The following GJB7 variants were observed in gnomAD, a reference collection of about 807,000 sequenced individuals.
GJB7 encodes the protein gap junction beta-7 protein.
For missense variants in GJB7, 253 were observed against 256.8 expected, an observed-to-expected ratio of 0.99 and a Z score of 0.10; for synonymous variants, 87 against 95.2, an observed-to-expected ratio of 0.91 and a Z score of 0.50.
chr6:87,312,337 C>A (rs1776521339), intron 2 of GJB7, among the ~76,000 whole-genome samples: 1 of 151,560 alleles, frequency 6.6e-6, no homozygotes, highest in African/African-American at 2.4e-5. Context: ...GATGGTGAAA[C>A]CCCGTCTCTA....
In GJB7 at chr6:87,284,556, G is replaced by A. The variant is rs1267121071; in HGVS notation, c.357C>T (p.Gly119=). ...GGCTGATAAGATAAGCGTACCATAG[G>A]CCCCCATCCATTGTACCTGGGCTGA... ...LYVSPGTMDG[G]LWYAYLISLI... The change falls in exon 3 of 3, where the codon GGC becomes GGT. Residue 119 remains glycine (G), a synonymous_variant. Transcript: ENST00000525899. 6.2e-7 allele frequency: 1 copy of A among 1,614,026 alleles called. No individual in the cohort carries two copies.
At chr6:87,304,590 A>G (rs2127904498) in intron 2 of GJB7, among the ~76,000 whole-genome samples, 1 of 152,390 alleles carries the variant, frequency 6.6e-6, no homozygotes, top group African/African-American at 2.4e-5. Flanking sequence ...AAATTCTACC[A>G]GAGGTACAAG....
chr6:87,326,847 G>A (rs1295621537), intron 1 of GJB7, among the ~76,000 whole-genome samples: 3 of 121,262 alleles, frequency 2.5e-5, no homozygotes, highest in African/African-American at 1.0e-4. Context: ...TCGTTGATCT[G>A]TCTAATGTTG....
intron 2 of GJB7, chr6:87,300,450 A>G: frequency 8.4e-6 from 2 of 239,442 alleles, no homozygotes; most frequent in East Asian, 2.1e-4. Context: ...AGATGTTCTT[A>G]TTCCTAGAAT....
intron 2 of GJB7, among the ~76,000 whole-genome samples, chr6:87,301,489 C>A (rs1776325957): frequency 6.6e-6 from 1 of 152,132 alleles, no homozygotes; most frequent in Non-Finnish European, 1.5e-5. Flanking sequence ...GGGATGGGCG[C>A]CCGCCATTGC....
intron 2 of GJB7, among the ~76,000 whole-genome samples, chr6:87,313,761 G>C (rs1387290784): frequency 3.3e-5 from 5 of 152,196 alleles, no homozygotes; most frequent in African/African-American, 1.2e-4. Flanking sequence ...TATCATGTAG[G>C]TCAGCGTTTC....
intron 2 of GJB7, among the ~76,000 whole-genome samples, chr6:87,316,692 A>T (rs771597852): frequency 6.6e-6 from 1 of 152,122 alleles, no homozygotes; most frequent in Non-Finnish European, 1.5e-5. Context: ...CTCTGTTTTG[A>T]CCATTTCTTC....
chr6:87,307,777 G>C (rs938461389), intron 2 of GJB7, among the ~76,000 whole-genome samples: 10 of 152,146 alleles, frequency 6.6e-5, no homozygotes, highest in African/African-American at 2.4e-4. Context: ...CACTGTTGGT[G>C]GGTCTGTAAA....
At chr6:87,322,830 C>T (rs1776702639) in intron 2 of GJB7, 36 bp downstream of exon 2, 1 of 152,224 alleles carries the variant, frequency 6.6e-6, no homozygotes, top group Admixed American at 6.5e-5. Flanking sequence ...GTCGGTGAAG[C>T]TCTCTGGCCC....
intron 2 of GJB7, chr6:87,292,059 G>A (rs1315775960): frequency 6.6e-6 from 1 of 152,200 alleles, no homozygotes; most frequent in Non-Finnish European, 1.5e-5. Flanking sequence ...GGTTTCCAAG[G>A]TAGTGTAAGC....
In GJB7 at chr6:87,284,793, T is replaced by C; in HGVS notation, c.120A>G (p.Ala40=). ...TCTGCTCATCTTTCCACACGTGCTCTGCTGCCACCATGTAGACCAGCAAAC... is the reference window on the plus strand; with the variant it reads ...TCTGCTCATCTTTCCACACGTGCTCCGCTGCCACCATGTAGACCAGCAAAC... ...VFRLLVYMVA[A]EHVWKDEQKE... Residue 40 remains alanine, a synonymous_variant, in exon 3 of 3, where the codon GCA becomes GCG. Coordinates refer to ENST00000525899, the MANE Select transcript of GJB7 (RefSeq NM_198568.3). 1.2e-6 allele frequency: 2 copies of C among 1,614,182 alleles called. No individual in the cohort carries two copies. The highest frequency in any genetic ancestry group is 1.7e-6 in the Non-Finnish European group (2 of 1,180,032).
chr6:87,316,800 C>A (rs965654443), intron 2 of GJB7, among the ~76,000 whole-genome samples: 32 of 152,182 alleles, frequency 2.1e-4, no homozygotes, highest in African/African-American at 6.8e-4. Flanking sequence ...AGTGTCATTT[C>A]TCTCATGTTC....
At chr6:87,325,440 C>T (rs576044664) in intron 1 of GJB7, among the ~76,000 whole-genome samples, 2 of 147,494 alleles carry the variant, frequency 1.4e-5, no homozygotes, top group Non-Finnish European at 3.0e-5. Context: ...AGATACGTCC[C>T]ATCAATACCT....
intron 2 of GJB7, among the ~76,000 whole-genome samples, chr6:87,287,222 G>A (rs1247971624): frequency 1.3e-5 from 2 of 152,114 alleles, no homozygotes; most frequent in African/African-American, 4.8e-5. Context: ...TAATTTCTCA[G>A]GTGAAAACTT....
At chr6:87,287,996 G>A (rs984164789) in intron 2 of GJB7, among the ~76,000 whole-genome samples, 1 of 152,010 alleles carries the variant, frequency 6.6e-6, no homozygotes, top group Non-Finnish European at 1.5e-5. Context: ...TCCGCCTCCC[G>A]GGTTCAAGCG....
intron 1 of GJB7, among the ~76,000 whole-genome samples, chr6:87,325,296 A>G (rs1202291418): frequency 6.9e-6 from 1 of 145,806 alleles, no homozygotes; most frequent in Non-Finnish European, 1.5e-5. Flanking sequence ...AGAACTTCCA[A>G]CACTATGTTG....
At chr6:87,292,481 G>T (rs542787527) in intron 2 of GJB7, among the ~76,000 whole-genome samples, 1 of 152,032 alleles carries the variant, frequency 6.6e-6, no homozygotes, top group South Asian at 2.1e-4. Context: ...TATAAAAAAA[G>T]CTAATAGTAC....
At chr6:87,327,238 C>A (rs535815024) in intron 1 of GJB7, among the ~76,000 whole-genome samples, 1 of 146,724 alleles carries the variant, frequency 6.8e-6, no homozygotes, top group South Asian at 2.2e-4. Flanking sequence ...CAGTCTGTGT[C>A]TTTTAATTGG....
At chr6:87,307,024 T>A (rs1210882820) in intron 2 of GJB7, among the ~76,000 whole-genome samples, 3 of 151,858 alleles carry the variant, frequency 2.0e-5, no homozygotes, top group African/African-American at 7.3e-5. Context: ...GGGTCTGTTG[T>A]AGGGTGGGGA....
Sources: allele counts gnomAD v4.1 joint callset (sites outside exome capture counted in the v4.1 genomes callset), GRCh38; gene constraint gnomAD v4.1.1; transcripts MANE v1.5; gene names NCBI Gene and HGNC (gene_info 2026-07-23, HGNC 2026-07-21).